The following ZC3H4 variants were observed in gnomAD, a reference collection of about 807,000 sequenced individuals.
The protein encoded by ZC3H4 is zinc finger CCCH domain-containing protein 4.
Under a neutral mutation model 108.3 loss-of-function variants are expected in ZC3H4, and 13 were observed. That is an observed-to-expected ratio of 0.12 (90% CI 0.08 to 0.19). ZC3H4 has a LOEUF of 0.19. ZC3H4 is among the 10% of genes least tolerant of loss of function. The pLI is 1.00. For synonymous variants in ZC3H4, 917 were observed against 749.6 expected (o/e 1.22, Z -3.65); for missense variants, 1,734 against 1,838.8 (o/e 0.94, Z 1.04).
At chr19:47,099,049 C>T (rs771250529) in intron 2 of ZC3H4, among the ~76,000 whole-genome samples, 6 of 152,164 alleles carry the variant, frequency 3.9e-5, no homozygotes, top group Non-Finnish European at 8.8e-5. Context: ...ACATGAGGAA[C>T]AGGCACAAAG....
Position 47,084,257 on chromosome 19 carries a change from C to T in ZC3H4, c.1218+88G>A, listed in dbSNP as rs946797397. ...GACTACACAGTCACTCCCACCCACC[C>T]TCACCACGGCTCCAGAACCTTCTGG... On this transcript the variant is annotated intron_variant, in intron 9 of 14. Coordinates refer to ENST00000253048, the MANE Select transcript of ZC3H4 (RefSeq NM_015168.2). 7 of 1,289,438 alleles carry T rather than the reference C, an allele frequency of 5.4e-6. No individual in the cohort carries two copies. The African/African-American group carries it at 8.7e-5, about 16-fold the overall frequency. The allele number at this position is 1,289,438 out of a possible 1,614,324, so 79.9% of individuals were successfully genotyped here.
chr19:47,084,991 T>G, intron 8 of ZC3H4, 65 bp downstream of exon 8: 1 of 1,594,706 alleles, frequency 6.3e-7, no homozygotes. Context: ...AATGACTCAT[T>G]AAAGGGAAAA....
chr19:47,112,621 A>G, intron 1 of ZC3H4, 32 bp from the exon 2 acceptor site: 1 of 1,218,318 alleles, frequency 8.2e-7, no homozygotes, highest in Non-Finnish European at 1.0e-6. Context: ...AATGCACGAA[A>G]AAGGACTGCT....
chr19:47,099,191 G>A (rs1437488984), intron 2 of ZC3H4, among the ~76,000 whole-genome samples: 1 of 152,024 alleles, frequency 6.6e-6, no homozygotes, highest in East Asian at 1.9e-4. Flanking sequence ...CGGGCGCGGT[G>A]GCTCACGTCT....
chr19:47,098,805 T>C (rs146563203), intron 2 of ZC3H4, among the ~76,000 whole-genome samples: 192 of 152,278 alleles, frequency 1.3e-3, no homozygotes, highest in African/African-American at 4.3e-3. Flanking sequence ...ATGTCCAAAG[T>C]AGACATGATA....
In ZC3H4 at chr19:47,072,018, T is replaced by C. The variant is rs966119367; in HGVS notation, c.1906A>G (p.Met636Val). Residue 636 changes from methionine (M) to valine (V), a missense_variant, in exon 13 of 15, where the codon ATG becomes GTG. Met to Val is a conservative substitution (Grantham distance 21). Coordinates refer to ENST00000253048, the MANE Select transcript of ZC3H4 (RefSeq NM_015168.2). This position sits in a 1 kb window ranked among gnomAD's most constrained non-coding sequence, Gnocchi z 5.6. ...GPMHPDMHPD[M>V]HPDMHPDMHA... Reference sequence around the variant, plus strand: ...ATGTCAGGGTGCATGTCCGGGTGCATGTCGGGGTGCATGTCAGGATGCATT... The same window carrying C: ...ATGTCAGGGTGCATGTCCGGGTGCACGTCGGGGTGCATGTCAGGATGCATT... 1.9e-6 allele frequency: 3 copies of C among 1,591,198 alleles called. No individual in the cohort carries two copies. Among genetic ancestry groups the C allele is most frequent in the Non-Finnish European group, 2.6e-6 (3 of 1,168,676 alleles).
intron 11 of ZC3H4, among the ~76,000 whole-genome samples, chr19:47,079,533 A>G (rs1304818218): frequency 1.3e-5 from 2 of 151,898 alleles, no homozygotes; most frequent in Non-Finnish European, 2.9e-5. Context: ...CCTCCCAAGG[A>G]GCCGTGAGGC....
intron 2 of ZC3H4, chr19:47,112,060 C>G: frequency 1.1e-6 from 1 of 949,872 alleles, no homozygotes; most frequent in Non-Finnish European, 1.3e-6. Flanking sequence ...GCAGCCAGGA[C>G]CCCCGTGGGT....
chr19:47,068,814 T>C (rs1599960650), intron 14 of ZC3H4, among the ~76,000 whole-genome samples: 1 of 152,102 alleles, frequency 6.6e-6, no homozygotes, highest in South Asian at 2.1e-4. Flanking sequence ...GCACAGGCGG[T>C]CAATCCTGTT....
intron 2 of ZC3H4, among the ~76,000 whole-genome samples, chr19:47,102,060 C>T (rs1287547756): frequency 6.6e-6 from 1 of 152,068 alleles, no homozygotes; most frequent in Non-Finnish European, 1.5e-5. Context: ...AAAACAAGAA[C>T]TTCCAAGTGG....
rs1407455832 is a variant in ZC3H4 at position 47,072,918 on chromosome 19, G to A, written c.1441-205C>T. Among the ~76,000 whole-genome samples the A allele has an allele frequency of 2.0e-5, 3 of 152,144 alleles. No individual in the cohort carries two copies. The highest frequency in any genetic ancestry group is 1.9e-4 in the East Asian group (1 of 5,186). ...ACTCTCGGGGACCAGCTGGTAGAGGGGGGGCCATTCCTGCTCTATGGCAAA... is the reference window on the plus strand; with the variant it reads ...ACTCTCGGGGACCAGCTGGTAGAGGAGGGGCCATTCCTGCTCTATGGCAAA... On this transcript the variant is annotated intron_variant, in intron 11 of 14. Coordinates refer to ENST00000253048, the MANE Select transcript of ZC3H4 (RefSeq NM_015168.2). The surrounding 1 kb of genome is among the most constrained non-coding windows in gnomAD (Gnocchi z 5.6).
Position 47,066,791 on chromosome 19 carries a change from T to A in ZC3H4, c.3477A>T (p.Lys1159Asn). 6.2e-7 allele frequency: 1 copy of A among 1,601,290 alleles called. No homozygotes were observed. Among genetic ancestry groups the A allele is most frequent in the Admixed American group, 1.7e-5 (1 of 59,502 alleles). The change falls in exon 15 of 15, where the codon AAA (lysine) becomes AAT (asparagine). Residue 1159 changes from lysine (K) to asparagine (N), a missense_variant. This residue lies in a region of ZC3H4 where 518 missense variants were observed against 499.6 expected (regional missense o/e 1.04). Coordinates refer to ENST00000253048, the MANE Select transcript of ZC3H4 (RefSeq NM_015168.2). The stretch of plus-strand genomic sequence containing the variant: ...CCGTGTCAGCAGCCGGCTCTGTGGC[T>A]TTGCCCCCCGCGTTGGGAGTCCTCG... ...YDPRTPNAGGKATEPAADTGA... is the reference protein window; with the variant it reads ...YDPRTPNAGGNATEPAADTGA...
At chr19:47,106,654 A>G (rs1403268046) in intron 2 of ZC3H4, among the ~76,000 whole-genome samples, 1 of 152,232 alleles carries the variant, frequency 6.6e-6, no homozygotes, top group African/African-American at 2.4e-5. Context: ...TCGTGGCCAG[A>G]AACTGTAGAA....
rs376925169 is a variant in ZC3H4, at chr19:47,070,880, G to A, written c.2146+898C>T. Among the ~76,000 whole-genome samples, 145 of 152,208 alleles carry A rather than the reference G, an allele frequency of 9.5e-4. 3 individuals carry two copies. In the South Asian group the frequency reaches 0.029, roughly 30 times the overall value. ...AAACACGGGGCTCCCACTGCCCCACGGCACCGTGTCCAAACCTCGAAGCCC... is the reference window on the plus strand; with the variant it reads ...AAACACGGGGCTCCCACTGCCCCACAGCACCGTGTCCAAACCTCGAAGCCC... On this transcript the variant is annotated intron_variant, in intron 13 of 14. Coordinates refer to ENST00000253048, the MANE Select transcript of ZC3H4 (RefSeq NM_015168.2).
chr19:47,074,500 C>T (rs897842682), intron 11 of ZC3H4, among the ~76,000 whole-genome samples: 1 of 152,208 alleles, frequency 6.6e-6, no homozygotes, highest in Admixed American at 6.5e-5. Context: ...ACACAGGAGG[C>T]CTGGCTGCTC....
chr19:47,088,974 G>A (rs989540946), intron 5 of ZC3H4, among the ~76,000 whole-genome samples: 2 of 151,956 alleles, frequency 1.3e-5, no homozygotes, highest in Non-Finnish European at 2.9e-5. Flanking sequence ...TTGGGAGGCC[G>A]AGGTGGGCAG....
At position 47,082,335 on chromosome 19, in the gene ZC3H4, G is replaced by A. The variant is rs181837878; in HGVS notation, c.1219-40C>T. 2,533 of 1,486,354 alleles carry A rather than the reference G, an allele frequency of 1.7e-3. 7 individuals carry two copies. Among genetic ancestry groups the A allele is most frequent in the Non-Finnish European group, 1.7e-3 (1,817 of 1,062,306 alleles). 92.1% of individuals were successfully genotyped at this position (1,486,354 alleles called of 1,614,324 possible). A position where few individuals can be genotyped will look rare whatever the true frequency, so the allele number is the denominator to read the frequency against. ...ACAAAAACATAAGGTGGTGGCGTGG[G>A]AAGCTCTTGCTTACTTCTGTCTGCA... On this transcript the variant is annotated intron_variant, in intron 9 of 14. Transcript: ENST00000253048.
At chr19:47,069,981 C>T (rs1456872298) in intron 13 of ZC3H4, among the ~76,000 whole-genome samples, 1 of 152,196 alleles carries the variant, frequency 6.6e-6, no homozygotes, top group African/African-American at 2.4e-5. Context: ...ACCCCACACA[C>T]TCCCCCAGTG....
chr19:47,094,205 C>A, intron 3 of ZC3H4, 125 bp from the exon 4 acceptor site: 3 of 1,106,916 alleles, frequency 2.7e-6, no homozygotes, highest in South Asian at 2.8e-5. Flanking sequence ...AAACACCTCA[C>A]CTGGGGCACT....
Sources: allele counts gnomAD v4.1 joint callset (sites outside exome capture counted in the v4.1 genomes callset), GRCh38; gene constraint gnomAD v4.1.1; regional missense constraint gnomAD v4.1.1; non-coding constraint Gnocchi (gnomAD v3.1); transcripts MANE v1.5; gene names NCBI Gene and HGNC (gene_info 2026-07-23, HGNC 2026-07-21).